Variants in SACM1L observed in about 807,000 individuals in gnomAD.
SACM1L encodes phosphatidylinositol-3-phosphatase SAC1.
SACM1L carries 32 observed loss-of-function variants against 89.5 expected under a neutral mutation model. That is an observed-to-expected ratio of 0.36 (90% confidence interval 0.27 to 0.48). SACM1L has a LOEUF of 0.48. Among genes scored for constraint, SACM1L ranks in the 20% least tolerant of loss-of-function variants. The pLI, the probability that SACM1L is intolerant of heterozygous loss-of-function variation, is 0.99. For synonymous variants in SACM1L, 213 were observed against 232.8 expected (o/e 0.92, Z 0.77); for missense variants, 543 against 708.5 (o/e 0.77, Z 2.65).
At chr3:45,700,289 T>C (rs1451070885) in intron 1 of SACM1L, among the ~76,000 whole-genome samples, 1 of 152,230 alleles carries the variant, frequency 6.6e-6, no homozygotes, top group East Asian at 1.9e-4. Flanking sequence ...AAATAAATTA[T>C]GGCAACTGTC....
At chr3:45,691,938 A>G (rs2742423) in intron 1 of SACM1L, among the ~76,000 whole-genome samples, 73,397 of 152,052 alleles carry the variant, frequency 0.48, 18,252 homozygotes, top group Middle Eastern at 0.57. Context: ...ATAGGATCAA[A>G]CTTGCATTTC....
intron 5 of SACM1L, among the ~76,000 whole-genome samples, 169 bp from the exon 6 acceptor site, chr3:45,712,968 G>C (rs771401253): frequency 6.6e-6 from 1 of 152,234 alleles, no homozygotes; most frequent in Non-Finnish European, 1.5e-5. Context: ...CAATGAGACA[G>C]AAATGCCCAC....
intron 1 of SACM1L, among the ~76,000 whole-genome samples, chr3:45,702,599 G>A (rs1477349057): frequency 6.6e-6 from 1 of 152,144 alleles, no homozygotes; most frequent in Non-Finnish European, 1.5e-5. Context: ...AGTCTGCATC[G>A]TTTTAGTGCC....
intron 1 of SACM1L, among the ~76,000 whole-genome samples, chr3:45,698,541 A>T (rs1200750080): frequency 1.3e-5 from 2 of 152,138 alleles, no homozygotes; most frequent in Non-Finnish European, 2.9e-5. Flanking sequence ...TCTTATTTGT[A>T]TACTTTGTTA....
chr3:45,738,629 G>T lies in SACM1L; in HGVS notation c.1434G>T (p.Met478Ile). 2 of 1,613,094 alleles carry T rather than the reference G, an allele frequency of 1.2e-6. No individual in the cohort carries two copies. Among genetic ancestry groups the T allele is most frequent in the Non-Finnish European group, 8.5e-7 (1 of 1,179,184 alleles). Residue 478 changes from methionine to isoleucine, a missense_variant, in exon 17 of 20, where the codon ATG (methionine) becomes ATT (isoleucine). Coordinates refer to ENST00000389061, the MANE Select transcript of SACM1L (RefSeq NM_014016.5). ...LGLIMDGWNS[M>I]IRYYKNNFSD... ...TTATAATGGATGGCTGGAACTCAAT[G>T]ATACGATATTATAAGAACAACTTTT...
Position 45,739,623 on chromosome 3 carries a change from A to G in SACM1L, c.1606A>G (p.Ile536Val), listed in dbSNP as rs1699274189. The change falls in exon 19 of 20, where the codon ATT (isoleucine) becomes GTT (valine). Residue 536 changes from isoleucine to valine, a missense_variant. Ile to Val is a conservative substitution (Grantham distance 29). Around this residue, in one of 2 missense-constraint regions of SACM1L, gnomAD observed 370 missense variants for 527.6 expected, o/e 0.70. Coordinates refer to ENST00000389061, the MANE Select transcript of SACM1L (RefSeq NM_014016.5). Reference protein sequence around the residue: ...IIMVVAFSMCIICLLMAGDTW... With the variant: ...IIMVVAFSMCVICLLMAGDTW... ...CATGGTTGTTGCCTTTTCAATGTGC[A>G]TTATCTGTTTGCTTATGGCTGGTAA... 1.9e-6 allele frequency: 3 copies of G among 1,613,954 alleles called. No individual in the cohort carries two copies. The highest frequency in any genetic ancestry group is 2.5e-6 in the Non-Finnish European group (3 of 1,179,962).
At chr3:45,735,483 C>T in intron 14 of SACM1L, 110 bp downstream of exon 14, 1 of 1,099,562 alleles carries the variant, frequency 9.1e-7, no homozygotes, top group Non-Finnish European at 1.2e-6. Context: ...TAACCCAGCT[C>T]TTTTTATTTT....
Position 45,743,823 on chromosome 3 carries a change from T to C in SACM1L, c.*154T>C. On this transcript the variant is annotated 3_prime_UTR_variant, in exon 20 of 20. Transcript: ENST00000389061. Reference sequence around the variant, plus strand: ...CCATGCAGGATGATGACAGAATTGATCTGATGTTACTGCCTTGATGGTCTC... The same window carrying C: ...CCATGCAGGATGATGACAGAATTGACCTGATGTTACTGCCTTGATGGTCTC... The C allele has an allele frequency of 1.5e-6, 1 of 661,522 alleles. No individual in the cohort carries two copies. Among genetic ancestry groups the C allele is most frequent in the South Asian group, 2.6e-5 (1 of 37,890 alleles). The allele number at this position is 661,522 out of a possible 1,614,324, so 41.0% of individuals were successfully genotyped here.
At chr3:45,715,088 C>T (rs2125693221) in intron 7 of SACM1L, among the ~76,000 whole-genome samples, 1 of 152,194 alleles carries the variant, frequency 6.6e-6, no homozygotes, top group Admixed American at 6.5e-5. Context: ...TACCGTGTAG[C>T]CTAGGTGTGT....
intron 6 of SACM1L, 101 bp from the exon 7 acceptor site, chr3:45,713,945 C>T (rs1698581317): frequency 3.6e-6 from 2 of 550,832 alleles, no homozygotes; most frequent in Non-Finnish European, 6.1e-6. Flanking sequence ...AGTTTACTAC[C>T]TTGTTATGTT....
rs1423756766 is a variant in SACM1L, at chr3:45,709,640, T to G, written c.476T>G (p.Leu159Trp). The G allele has an allele frequency of 6.2e-7, 1 of 1,612,514 alleles. No homozygotes were observed. Reference protein sequence around the residue: ...TSPEFQEMSLLERADQRFVWN... With the variant: ...TSPEFQEMSLWERADQRFVWN... ...CCTGAATTCCAAGAAATGAGTCTCT[T>G]GGAAAGGGTAAGCTTGATCTTCAAT... is the stretch of plus-strand genomic sequence containing the variant. Residue 159 changes from leucine to tryptophan, a missense_variant, in exon 5 of 20, where the codon TTG becomes TGG. Leu to Trp is a moderately conservative substitution (Grantham distance 61). Around this residue, in one of 2 missense-constraint regions of SACM1L, gnomAD observed 370 missense variants for 527.6 expected, o/e 0.70. Transcript: ENST00000389061.
chr3:45,724,607 T>C (rs904753202), intron 11 of SACM1L, among the ~76,000 whole-genome samples: 1 of 152,172 alleles, frequency 6.6e-6, no homozygotes, highest in Non-Finnish European at 1.5e-5. Context: ...TTTTTTACTC[T>C]TGACAATGTC....
In SACM1L at chr3:45,738,569, T is replaced by C; in HGVS notation, c.1383-9T>C. 6.3e-7 allele frequency: 1 copy of C among 1,585,980 alleles called. No homozygotes were observed. Among genetic ancestry groups the C allele is most frequent in the South Asian group, 1.1e-5 (1 of 90,278 alleles). On this transcript the variant is annotated splice_polypyrimidine_tract_variant and intron_variant, in intron 16 of 19. Transcript: ENST00000389061. The stretch of plus-strand genomic sequence containing the variant: ...AACCTGTAACTTAAAATTTAACCTC[T>C]TTAACCAGAACTGGAAAGAGAACTC...
At chr3:45,692,297 T>C (rs887050164) in intron 1 of SACM1L, among the ~76,000 whole-genome samples, 1 of 149,264 alleles carries the variant, frequency 6.7e-6, no homozygotes, top group Non-Finnish European at 1.5e-5. Flanking sequence ...CACAGGATTA[T>C]TGTAAGGTTT....
At chr3:45,698,424 T>A (rs767900513) in intron 1 of SACM1L, among the ~76,000 whole-genome samples, 1 of 152,230 alleles carries the variant, frequency 6.6e-6, no homozygotes, top group Non-Finnish European at 1.5e-5. Context: ...AATAGCCTGA[T>A]GGCAGCATCA....
At chr3:45,704,955 C>T (rs544524154) in intron 2 of SACM1L, among the ~76,000 whole-genome samples, 180 bp from the exon 3 acceptor site, 2 of 152,298 alleles carry the variant, frequency 1.3e-5, no homozygotes, top group East Asian at 3.9e-4. Flanking sequence ...TGCTGTTACA[C>T]TCCAGTTTAC....
intron 5 of SACM1L, among the ~76,000 whole-genome samples, chr3:45,711,415 C>T (rs1456990838): frequency 6.6e-6 from 1 of 152,064 alleles, no homozygotes; most frequent in Non-Finnish European, 1.5e-5. Flanking sequence ...TTGCTTGAGT[C>T]CATGAGTTCA....
chr3:45,737,733 A>G (rs749402475), intron 15 of SACM1L, 39 bp from the exon 16 acceptor site: 1 of 1,593,990 alleles, frequency 6.3e-7, no homozygotes, highest in East Asian at 2.2e-5. Flanking sequence ...TTTGTTTGTC[A>G]TCTTAATAAT....
intron 19 of SACM1L, chr3:45,742,786 C>T (rs903264205): frequency 1.3e-5 from 2 of 152,142 alleles, no homozygotes; most frequent in Non-Finnish European, 2.9e-5. Flanking sequence ...ATCGGATGTC[C>T]GCACTAAGTT....
Sources: allele counts gnomAD v4.1 joint callset (sites outside exome capture counted in the v4.1 genomes callset), GRCh38; gene constraint gnomAD v4.1.1; regional missense constraint gnomAD v4.1.1; transcripts MANE v1.5; gene names NCBI Gene and HGNC (gene_info 2026-07-23, HGNC 2026-07-21).